RAD51B: variants seen among roughly 807,000 people sequenced by gnomAD.
RAD51B encodes DNA repair protein RAD51 homolog 2.
In RAD51B, 38 loss-of-function variants were observed where a neutral mutation model predicts 42.2. The ratio of observed to expected loss-of-function variants is 0.90; its 90% CI spans 0.70 to 1.18. The LOEUF is 1.18. Among genes scored for constraint, RAD51B ranks in the 50% most tolerant of loss-of-function variants. The pLI is 0.00. For missense variants in RAD51B, 373 were observed against 400.7 expected, an observed-to-expected ratio of 0.93 and a Z score of 0.59; for synonymous variants, 154 against 145.2, an observed-to-expected ratio of 1.06 and a Z score of -0.43.
rs189758191 is a variant in RAD51B, at chr14:68,164,537, C to T, written c.757-127347C>T. Among the ~76,000 whole-genome samples, 10 of 152,308 alleles carry T rather than the reference C, an allele frequency of 6.6e-5. No individual in the cohort carries two copies. The East Asian group carries it at 7.7e-4, about 12-fold the overall frequency. On this transcript the variant is annotated intron_variant, in intron 7 of 10. Coordinates refer to ENST00000471583, the MANE Select transcript of RAD51B (RefSeq NM_133510.4). ...ACCCTTGTGTGTTTGCAAAGCTCCG[C>T]GGGCTTTCTGGGGCTAGTGATCCCC... is the stretch of plus-strand genomic sequence containing the variant.
intron 8 of RAD51B, among the ~76,000 whole-genome samples, chr14:68,306,054 C>T (rs1410126998): frequency 2.0e-5 from 3 of 152,318 alleles, no homozygotes; most frequent in Non-Finnish European, 2.9e-5. Flanking sequence ...TTCCCACATC[C>T]GTCCCTCCCC....
rs1233506347 is a variant in RAD51B at position 67,893,501 on chromosome 14, CACACACACA to C, written c.756+6299_756+6307del. 1.3e-3 allele frequency among the ~76,000 whole-genome samples: 122 copies of C among 96,090 alleles called. 8 individuals are homozygous for C. Among genetic ancestry groups the C allele is most frequent in the African/African-American group, 6.3e-3 (112 of 17,900 alleles). The allele number at this position is 96,090 out of a possible 152,430, so 63.0% of individuals were successfully genotyped here. On this transcript the variant is annotated intron_variant, in intron 7 of 10. Coordinates refer to ENST00000471583, the MANE Select transcript of RAD51B (RefSeq NM_133510.4). ...ACACACACACACACACACACACACA[CACACACACA>C]AAAAAAAACAATTAGCTGGGTGTGG...
At chr14:68,503,296 T>G (rs1349379901) in intron 10 of RAD51B, among the ~76,000 whole-genome samples, 1 of 152,082 alleles carries the variant, frequency 6.6e-6, no homozygotes, top group Non-Finnish European at 1.5e-5. Flanking sequence ...TGGGAGAAAT[T>G]GACATGAGAA....
intron 7 of RAD51B, among the ~76,000 whole-genome samples, chr14:68,120,677 G>A (rs2077634536): frequency 6.6e-6 from 1 of 151,894 alleles, no homozygotes; most frequent in South Asian, 2.1e-4. Flanking sequence ...GTCACCCTTT[G>A]GGAGCCTGGA....
chr14:68,120,581 T>C (rs952533588), intron 7 of RAD51B, among the ~76,000 whole-genome samples: 15 of 152,210 alleles, frequency 9.9e-5, no homozygotes, highest in African/African-American at 2.2e-4. Flanking sequence ...GCCTTTTTTT[T>C]CCTGATATAT....
intron 11 of RAD51B, chr14:68,682,792 A>G (rs926555511): frequency 1.4e-5 from 4 of 289,250 alleles, no homozygotes; most frequent in East Asian, 2.9e-4. Context: ...CACTGAAAAG[A>G]AAAAGTGGGG....
chr14:67,979,500 C>T (rs890238578), intron 7 of RAD51B, among the ~76,000 whole-genome samples: 1 of 152,136 alleles, frequency 6.6e-6, no homozygotes, highest in African/African-American at 2.4e-5. Context: ...TTTAACACTG[C>T]GCTACTTGGT....
intron 7 of RAD51B, among the ~76,000 whole-genome samples, chr14:67,925,021 A>G (rs2044455574): frequency 6.6e-6 from 1 of 152,236 alleles, no homozygotes; most frequent in African/African-American, 2.4e-5. Context: ...GCCAAAACAA[A>G]GGGGCTCCAG....
At chr14:68,083,149 C>CT (rs1382665921) in intron 7 of RAD51B, among the ~76,000 whole-genome samples, 2 of 152,136 alleles carry the variant, frequency 1.3e-5, no homozygotes, top group Non-Finnish European at 2.9e-5. Context: ...AAAACGGTAT[C>CT]TTTTAATAAA....
At chr14:68,036,680 A>G (rs979821510) in intron 7 of RAD51B, among the ~76,000 whole-genome samples, 9 of 152,208 alleles carry the variant, frequency 5.9e-5, no homozygotes, top group African/African-American at 2.2e-4. Flanking sequence ...CATATATTCC[A>G]ATACTAGACC....
chr14:68,497,658 C>T, intron 10 of RAD51B: 3 of 502,152 alleles, frequency 6.0e-6, no homozygotes, highest in Non-Finnish European at 8.2e-6. Context: ...AAAAGCAAGA[C>T]CCATAACCAT....
intron 7 of RAD51B, among the ~76,000 whole-genome samples, chr14:68,048,161 G>A (rs528874901): frequency 1.9e-4 from 29 of 152,260 alleles, no homozygotes; most frequent in Non-Finnish European, 3.5e-4. Context: ...AGATCGGCCC[G>A]CCTAAAGCTT....
intron 7 of RAD51B, among the ~76,000 whole-genome samples, chr14:67,926,868 T>C (rs777942521): frequency 6.6e-5 from 10 of 152,142 alleles, no homozygotes; most frequent in Non-Finnish European, 8.8e-5. Flanking sequence ...GGCGGAGATA[T>C]GTTTTCTTAA....
At chr14:67,890,568 G>A (rs1026961358) in intron 7 of RAD51B, among the ~76,000 whole-genome samples, 3 of 150,990 alleles carry the variant, frequency 2.0e-5, no homozygotes, top group East Asian at 2.0e-4. Context: ...CCACTAACTC[G>A]TCATCTAGCA....
At chr14:67,859,116 G>T (rs538576127) in intron 4 of RAD51B, among the ~76,000 whole-genome samples, 1 of 152,282 alleles carries the variant, frequency 6.6e-6, no homozygotes, top group South Asian at 2.1e-4. Context: ...ACTTGGTCTG[G>T]GTGTCAGACT....
At chr14:68,153,795 C>T (rs959015521) in intron 7 of RAD51B, among the ~76,000 whole-genome samples, 2 of 152,168 alleles carry the variant, frequency 1.3e-5, no homozygotes, top group African/African-American at 4.8e-5. Context: ...GGCCTACTTC[C>T]ACCCTAATTG....
chr14:68,132,398 G>T (rs1388238079), intron 7 of RAD51B, among the ~76,000 whole-genome samples: 1 of 152,190 alleles, frequency 6.6e-6, no homozygotes, highest in Non-Finnish European at 1.5e-5. Context: ...AGGATGTAAG[G>T]CAATAGTTGG....
chr14:68,634,904 C>T (rs1447259599), intron 10 of RAD51B, among the ~76,000 whole-genome samples: 2 of 152,162 alleles, frequency 1.3e-5, no homozygotes, highest in African/African-American at 4.8e-5. Context: ...AATCCTAGTC[C>T]TTTCTGACTG....
At chr14:68,278,696 A>G (rs918209498) in intron 7 of RAD51B, among the ~76,000 whole-genome samples, 2 of 152,218 alleles carry the variant, frequency 1.3e-5, no homozygotes, top group East Asian at 3.8e-4. Flanking sequence ...GTAATAAACA[A>G]CAGTGGCTTC....
Sources: allele counts gnomAD v4.1 joint callset (sites outside exome capture counted in the v4.1 genomes callset), GRCh38; gene constraint gnomAD v4.1.1; transcripts MANE v1.5; gene names NCBI Gene and HGNC (gene_info 2026-07-23, HGNC 2026-07-21).